The following PLEKHH1 variants were observed in gnomAD, a reference collection of about 807,000 sequenced individuals.
The protein encoded by PLEKHH1 is pleckstrin homology domain-containing family H member 1.
A neutral mutation model predicts 160.0 loss-of-function variants in PLEKHH1; 104 were observed. That is an observed-to-expected ratio of 0.65 (90% CI 0.55 to 0.76). The LOEUF (loss-of-function observed/expected upper bound fraction) is 0.76, where lower values mean the gene tolerates loss of function less well. Among genes scored for constraint, PLEKHH1 ranks in the 30% least tolerant of loss-of-function variants. The pLI is 0.00. For synonymous variants in PLEKHH1, 619 were observed against 678.4 expected (o/e 0.91, Z 1.36); for missense variants, 1,427 against 1,724.1 (o/e 0.83, Z 3.05).
At chr14:67,583,713 C>G in intron 24 of PLEKHH1, 28 bp from the exon 25 acceptor site, 1 of 1,587,820 alleles carries the variant, frequency 6.3e-7, no homozygotes, top group Non-Finnish European at 8.6e-7. Flanking sequence ...CAGATTTTGA[C>G]TGGTCTCTTC....
At position 67,574,344 on chromosome 14, in the gene PLEKHH1, G is replaced by A. The variant is rs61534804; in HGVS notation, c.2029G>A (p.Gly677Arg). Residue 677 changes from glycine to arginine, a missense_variant, in exon 14 of 29, where the codon GGG becomes AGG. Gly to Arg is a moderately radical substitution (Grantham distance 125, BLOSUM62 -2). Coordinates refer to ENST00000329153, the MANE Select transcript of PLEKHH1 (RefSeq NM_020715.3). The surrounding 1 kb of genome is among the most constrained non-coding windows in gnomAD (Gnocchi z 4.2). ...LQSLLKVQAT[G>R]PPALLRGGTK... ...GAGCCTGCTGAAGGTGCAGGCCACC[G>A]GGCCTCCAGCTCTGCTTCGGGGTGG... 0.092 allele frequency: 147,263 copies of A among 1,597,036 alleles called. 7,287 individuals carry two copies. Among genetic ancestry groups the A allele is most frequent in the Admixed American group, 0.18 (10,179 of 57,196 alleles).
chr14:67,561,077 C>T (rs1315487276), intron 5 of PLEKHH1, among the ~76,000 whole-genome samples: 1 of 152,158 alleles, frequency 6.6e-6, no homozygotes, highest in Non-Finnish European at 1.5e-5. Flanking sequence ...TGGTTCACAC[C>T]TGCAGGAGGG....
rs1379839329 is a variant in PLEKHH1, at chr14:67,585,989, G to A, written c.3825G>A (p.Thr1275=). The A allele has an allele frequency of 6.8e-6, 11 of 1,613,894 alleles. No homozygotes were observed. Among genetic ancestry groups the A allele is most frequent in the South Asian group, 2.2e-5 (2 of 91,070 alleles). The stretch of plus-strand genomic sequence containing the variant: ...CTTACCCCTACTCTTCAGTGACAAC[G>A]TTTGGTGGCTGCAGGGATGACTTCA... The part of the protein sequence containing the change: ...HITYPYSSVT[T]FGGCRDDFML... Residue 1275 remains threonine (T), a synonymous_variant, in exon 28 of 29, where the codon ACG becomes ACA. Coordinates refer to ENST00000329153, the MANE Select transcript of PLEKHH1 (RefSeq NM_020715.3).
In PLEKHH1 at chr14:67,575,399, A is replaced by G. The variant is rs764311132; in HGVS notation, c.2096A>G (p.His699Arg). 7 of 1,602,950 alleles carry G rather than the reference A, an allele frequency of 4.4e-6. No homozygotes were observed. In the Admixed American group the frequency reaches 5.1e-5, roughly 12 times the overall value. The change falls in exon 15 of 29, where the codon CAT (histidine) becomes CGT (arginine). Residue 699 changes from histidine (H) to arginine (R), a missense_variant. His to Arg is a conservative substitution (Grantham distance 29). Transcript: ENST00000329153. ...TVKGWLTKVK[H>R]GHSKVVWCAL... ...TTCATTTCTGTCTTACAGGTAAAGC[A>G]TGGCCACTCCAAGGTGGTCTGGTGC...
Position 67,562,573 on chromosome 14 carries a change from G to A in PLEKHH1, c.942G>A (p.Lys314=). 1.2e-6 allele frequency: 2 copies of A among 1,612,354 alleles called. No homozygotes were observed. The highest frequency in any genetic ancestry group is 1.7e-6 in the Non-Finnish European group (2 of 1,178,840). Residue 314 remains lysine (K), a synonymous_variant, in exon 7 of 29, where the codon AAG becomes AAA. Transcript: ENST00000329153. ...CTGGCAGCAGTCTGACCCTACCAAA[G>A]GTGCGGGCTCCTGGCACCCCGCGGG... is the stretch of plus-strand genomic sequence containing the variant. ...GGPGSSLTLP[K]VRAPGTPRDS...
At chr14:67,577,585 G>A (rs535167063) in intron 18 of PLEKHH1, among the ~76,000 whole-genome samples, 171 bp downstream of exon 18, 8 of 152,214 alleles carry the variant, frequency 5.3e-5, no homozygotes, top group Non-Finnish European at 1.2e-4. Context: ...GTCACTGGGA[G>A]GGAAGCAGCT....
At chr14:67,551,247 G>A (rs2034378934) in intron 2 of PLEKHH1, among the ~76,000 whole-genome samples, 1 of 152,156 alleles carries the variant, frequency 6.6e-6, no homozygotes, top group Admixed American at 6.5e-5. Flanking sequence ...AGTGAAAGGA[G>A]GCTGTATTAC....
intron 1 of PLEKHH1, 147 bp from the exon 2 acceptor site, chr14:67,541,687 G>GA: frequency 1.8e-6 from 1 of 546,542 alleles, no homozygotes. Flanking sequence ...GGGCCCTGGG[G>GA]ATCAGTGACC....
Position 67,577,262 on chromosome 14 carries a change from T to C in PLEKHH1, c.2462-40T>C, listed in dbSNP as rs759054934. 3 of 1,309,810 alleles carry C rather than the reference T, an allele frequency of 2.3e-6. No individual in the cohort carries two copies. The African/African-American group carries it at 4.4e-5, about 19-fold the overall frequency. The allele number at this position is 1,309,810 out of a possible 1,614,324, so 81.1% of individuals were successfully genotyped here. A position where few individuals can be genotyped will look rare whatever the true frequency, so the allele number is the denominator to read the frequency against. On this transcript the variant is annotated intron_variant, in intron 17 of 28. Coordinates refer to ENST00000329153, the MANE Select transcript of PLEKHH1 (RefSeq NM_020715.3). Reference sequence around the variant, plus strand: ...GAGTGGGAGATGAGTCCCCTCTCAGTAGTAACTGCCCTTGCTCTCTGGTTC... The same window carrying C: ...GAGTGGGAGATGAGTCCCCTCTCAGCAGTAACTGCCCTTGCTCTCTGGTTC...
At chr14:67,548,497 A>T (rs1000130537) in intron 2 of PLEKHH1, among the ~76,000 whole-genome samples, 1 of 152,190 alleles carries the variant, frequency 6.6e-6, no homozygotes, top group African/African-American at 2.4e-5. Context: ...CGGGAGTTTG[A>T]GACCAGCCTG....
At chr14:67,577,234 G>A (rs2035660429) in intron 17 of PLEKHH1, 68 bp from the exon 18 acceptor site, 15 of 942,986 alleles carry the variant, frequency 1.6e-5, no homozygotes, top group South Asian at 7.0e-5. Context: ...TAAAGATGGC[G>A]GTGAGTGGGA....
chr14:67,575,412 G>T lies in PLEKHH1; in HGVS notation c.2109G>T (p.Lys703Asn). The stretch of plus-strand genomic sequence containing the variant: ...TACAGGTAAAGCATGGCCACTCCAA[G>T]GTGGTCTGGTGCGCTCTTGTTGGGA... Reference protein sequence around the residue: ...WLTKVKHGHSKVVWCALVGKI... With the variant: ...WLTKVKHGHSNVVWCALVGKI... The change falls in exon 15 of 29, where the codon AAG (lysine) becomes AAT (asparagine). Residue 703 changes from lysine (K) to asparagine (N), a missense_variant. Around this residue, in one of 6 missense-constraint regions of PLEKHH1, gnomAD observed 831 missense variants for 929.2 expected, o/e 0.89. Transcript: ENST00000329153. The T allele has an allele frequency of 6.2e-7, 1 of 1,609,084 alleles. No homozygotes were observed. Among genetic ancestry groups the T allele is most frequent in the Non-Finnish European group, 8.5e-7 (1 of 1,177,234 alleles).
At chr14:67,561,928 A>G (rs1395043024) in intron 5 of PLEKHH1, 26 bp from the exon 6 acceptor site, 1 of 1,575,772 alleles carries the variant, frequency 6.3e-7, no homozygotes, top group African/African-American at 1.3e-5. Flanking sequence ...TGGGTGTCCT[A>G]AATCTTCATT....
At chr14:67,564,562 A>G (rs962206632) in intron 7 of PLEKHH1, among the ~76,000 whole-genome samples, 1 of 151,966 alleles carries the variant, frequency 6.6e-6, no homozygotes, top group Non-Finnish European at 1.5e-5. Flanking sequence ...GGCTCAAGCA[A>G]TCCTCCTACT....
In PLEKHH1 at chr14:67,576,450, G is replaced by A; in HGVS notation, c.2408G>A (p.Gly803Asp). Residue 803 changes from glycine to aspartate, a missense_variant, in exon 17 of 29, where the codon GGC becomes GAC. Transcript: ENST00000329153. This position sits in a 1 kb window ranked among gnomAD's most constrained non-coding sequence, Gnocchi z 4.0. Reference sequence around the variant, plus strand: ...GCAGGTGGCAGCAGTGCCAAGGTGGGCACTGCCTATGAGCAGCTCATTGGA... The same window carrying A: ...GCAGGTGGCAGCAGTGCCAAGGTGGACACTGCCTATGAGCAGCTCATTGGA... The part of the protein sequence containing the change: ...VAAGGSSAKV[G>D]TAYEQLIGKL... The A allele has an allele frequency of 6.2e-7, 1 of 1,610,742 alleles. No homozygotes were observed. Among genetic ancestry groups the A allele is most frequent in the Non-Finnish European group, 8.5e-7 (1 of 1,176,964 alleles).
At chr14:67,556,733 T>A (rs999104761) in intron 3 of PLEKHH1, among the ~76,000 whole-genome samples, 3 of 152,226 alleles carry the variant, frequency 2.0e-5, no homozygotes, top group South Asian at 2.1e-4. Context: ...TTTAAAAAAA[T>A]TTTAAATAAA....
At position 67,576,506 on chromosome 14, in the gene PLEKHH1, A is replaced by C. The variant is rs1347964118; in HGVS notation, c.2461+3A>C. Reference sequence around the variant, plus strand: ...GATGGATGGTGAAGGAGATCCAGGTAAGGCAAGGGTGGCCACCACTGCTTG... The same window carrying C: ...GATGGATGGTGAAGGAGATCCAGGTCAGGCAAGGGTGGCCACCACTGCTTG... On this transcript the variant is annotated splice_donor_region_variant and intron_variant, in intron 17 of 28. Coordinates refer to ENST00000329153, the MANE Select transcript of PLEKHH1 (RefSeq NM_020715.3). The surrounding 1 kb of genome is among the most constrained non-coding windows in gnomAD (Gnocchi z 4.0). The C allele has an allele frequency of 6.7e-7, 1 of 1,485,704 alleles. No homozygotes were observed. The highest frequency in any genetic ancestry group is 1.4e-5 in the African/African-American group (1 of 72,376). 92.0% of individuals were successfully genotyped at this position (1,485,704 alleles called of 1,614,324 possible). A position where few individuals can be genotyped will look rare whatever the true frequency, so the allele number is the denominator to read the frequency against.
chr14:67,564,709 C>CA (rs1156846754), intron 7 of PLEKHH1, among the ~76,000 whole-genome samples: 4 of 143,814 alleles, frequency 2.8e-5, no homozygotes, highest in African/African-American at 1.0e-4. Flanking sequence ...TTTTTTGAGA[C>CA]AGAGTCTTGC....
At chr14:67,536,602 T>C (rs1441769452) in intron 1 of PLEKHH1, among the ~76,000 whole-genome samples, 1 of 151,886 alleles carries the variant, frequency 6.6e-6, no homozygotes, top group Non-Finnish European at 1.5e-5. Context: ...CTCTTTCTTT[T>C]AGGGTCCTGT....
Sources: allele counts gnomAD v4.1 joint callset (sites outside exome capture counted in the v4.1 genomes callset), GRCh38; gene constraint gnomAD v4.1.1; regional missense constraint gnomAD v4.1.1; non-coding constraint Gnocchi (gnomAD v3.1); transcripts MANE v1.5; gene names NCBI Gene and HGNC (gene_info 2026-07-23, HGNC 2026-07-21).